Variants in CDH12 observed in about 807,000 individuals in gnomAD.
CDH12 encodes the protein cadherin 12.
In CDH12, 41 loss-of-function variants were observed where a neutral mutation model predicts 74.1. That is an observed-to-expected ratio of 0.55 (90% CI 0.43 to 0.72). The LOEUF is 0.72. CDH12 is among the 30% of genes least tolerant of loss of function. The pLI is 0.00. For missense variants in CDH12, 945 were observed against 977.2 expected (o/e 0.97, Z 0.44); for synonymous variants, 399 against 355.0 (o/e 1.12, Z -1.39).
At chr5:22,653,421 A>C (rs948813968) in intron 1 of CDH12, among the ~76,000 whole-genome samples, 1 of 151,918 alleles carries the variant, frequency 6.6e-6, no homozygotes, top group Non-Finnish European at 1.5e-5. Context: ...CCCACGACGG[A>C]GCCATCGTTT....
chr5:21,995,039 G>C (rs898938519), intron 5 of CDH12, among the ~76,000 whole-genome samples: 1 of 152,094 alleles, frequency 6.6e-6, no homozygotes, highest in African/African-American at 2.4e-5. Context: ...CACTCACGGT[G>C]AGGGTCTGCC....
At chr5:22,557,662 A>T (rs1335827910) in intron 1 of CDH12, among the ~76,000 whole-genome samples, 1 of 152,108 alleles carries the variant, frequency 6.6e-6, no homozygotes, top group East Asian at 1.9e-4. Flanking sequence ...ATTCAGGCCA[A>T]ATTTGAACAG....
chr5:22,444,459 A>G (rs1744741960), intron 2 of CDH12, among the ~76,000 whole-genome samples: 1 of 152,116 alleles, frequency 6.6e-6, no homozygotes. Flanking sequence ...AAATGATATG[A>G]AAAGGCAACT....
chr5:22,254,646 G>A (rs1753252714), intron 3 of CDH12, among the ~76,000 whole-genome samples: 1 of 151,660 alleles, frequency 6.6e-6, no homozygotes, highest in African/African-American at 2.4e-5. Context: ...ACCTGCACTT[G>A]TACGTCTGAA....
intron 2 of CDH12, among the ~76,000 whole-genome samples, chr5:22,421,797 C>G (rs2126497762): frequency 6.6e-6 from 1 of 152,264 alleles, no homozygotes; most frequent in Non-Finnish European, 1.5e-5. Flanking sequence ...AGTTTACAGT[C>G]CCACCGACAG....
At chr5:22,795,122 C>T (rs1319575402) in intron 1 of CDH12, among the ~76,000 whole-genome samples, 1 of 152,096 alleles carries the variant, frequency 6.6e-6, no homozygotes, top group Non-Finnish European at 1.5e-5. Context: ...AAACAAGGCT[C>T]TTTTGGAATT....
At chr5:21,887,418 T>C (rs1190312512) in intron 6 of CDH12, among the ~76,000 whole-genome samples, 1 of 152,164 alleles carries the variant, frequency 6.6e-6, no homozygotes, top group Non-Finnish European at 1.5e-5. Context: ...ATTAATTCTG[T>C]CTCCAAATGA....
At chr5:22,247,433 T>C (rs1388548826) in intron 3 of CDH12, among the ~76,000 whole-genome samples, 2 of 152,082 alleles carry the variant, frequency 1.3e-5, no homozygotes, top group Non-Finnish European at 2.9e-5. Flanking sequence ...TCCCAGCACT[T>C]TGGGAAACTG....
At chr5:22,033,313 A>C (rs1486721213) in intron 5 of CDH12, among the ~76,000 whole-genome samples, 1 of 152,180 alleles carries the variant, frequency 6.6e-6, no homozygotes, top group East Asian at 1.9e-4. Context: ...GTTTCTCCAC[A>C]ATTATTTAGA....
chr5:22,289,522 A>G (rs1580486348), intron 3 of CDH12, among the ~76,000 whole-genome samples: 1 of 152,364 alleles, frequency 6.6e-6, no homozygotes, highest in African/African-American at 2.4e-5. Flanking sequence ...GAATAAAACC[A>G]GGAATCTTCA....
chr5:22,742,619 T>A (rs1196843625), intron 1 of CDH12, among the ~76,000 whole-genome samples: 1 of 152,088 alleles, frequency 6.6e-6, no homozygotes, highest in South Asian at 2.1e-4. Context: ...AATCAACTAA[T>A]CATAATATGC....
intron 3 of CDH12, among the ~76,000 whole-genome samples, chr5:22,300,589 G>A (rs764817621): frequency 3.3e-5 from 5 of 152,106 alleles, no homozygotes; most frequent in Admixed American, 1.3e-4. Flanking sequence ...TTTTGAAGCC[G>A]TACATTTTTA....
chr5:22,604,386 C>G (rs1211303095), intron 1 of CDH12, among the ~76,000 whole-genome samples: 1 of 152,156 alleles, frequency 6.6e-6, no homozygotes, highest in Non-Finnish European at 1.5e-5. Flanking sequence ...AACTGAGAAA[C>G]AGTAAACTGT....
intron 3 of CDH12, among the ~76,000 whole-genome samples, chr5:22,219,304 A>C (rs1325901017): frequency 6.6e-6 from 1 of 151,722 alleles, no homozygotes; most frequent in Non-Finnish European, 1.5e-5. Flanking sequence ...GAGTGGCTCT[A>C]AACGGATCTT....
intron 4 of CDH12, among the ~76,000 whole-genome samples, chr5:22,169,207 T>C (rs1462191967): frequency 1.3e-5 from 2 of 151,876 alleles, no homozygotes; most frequent in Non-Finnish European, 2.9e-5. Context: ...TCTTTTTTTT[T>C]CACTTTATCC....
intron 1 of CDH12, among the ~76,000 whole-genome samples, chr5:22,560,093 A>G (rs891806451): frequency 6.6e-6 from 1 of 152,152 alleles, no homozygotes; most frequent in Non-Finnish European, 1.5e-5. Flanking sequence ...TTGAGATTAT[A>G]TCTGTGTATT....
At chr5:22,379,451 A>G (rs1741668761) in intron 3 of CDH12, among the ~76,000 whole-genome samples, 1 of 152,158 alleles carries the variant, frequency 6.6e-6, no homozygotes, top group Admixed American at 6.6e-5. Context: ...TACGTATTGG[A>G]CAAGAAATAA....
At chr5:22,054,339 A>T (rs962784408) in intron 5 of CDH12, among the ~76,000 whole-genome samples, 8 of 152,126 alleles carry the variant, frequency 5.3e-5, no homozygotes, top group African/African-American at 1.7e-4. Context: ...TCTCACATTC[A>T]TATATATAGA....
chr5:22,727,508 A>T (rs1217094857), intron 1 of CDH12, among the ~76,000 whole-genome samples: 1 of 151,546 alleles, frequency 6.6e-6, no homozygotes, highest in East Asian at 1.9e-4. Flanking sequence ...TATATATGAC[A>T]TTGTTGTTTA....
Sources: gnomAD v4.1 joint callset for allele counts (sites outside exome capture counted in the v4.1 genomes callset) on GRCh38, gnomAD v4.1.1 for gene constraint, MANE v1.5 for transcripts, NCBI Gene and HGNC (gene_info 2026-07-23, HGNC 2026-07-21) for gene names.